Variants in HLA-DOA observed in about 807,000 individuals in gnomAD.
HLA-DOA encodes the protein HLA class II histocompatibility antigen, DO alpha chain.
Under a neutral mutation model 22.9 loss-of-function variants are expected in HLA-DOA, and 27 were observed. The observed-to-expected ratio is 1.18, with a 90% CI of 0.87 to 1.62. HLA-DOA has a LOEUF of 1.62. HLA-DOA is among the 40% of genes most tolerant of loss of function. HLA-DOA has a pLI of 0.00. For missense variants in HLA-DOA, 324 were observed against 332.4 expected (o/e 0.97, Z 0.20); for synonymous variants, 137 against 138.6 (o/e 0.99, Z 0.08).
chr6:33,006,807 C>T lies in HLA-DOA; in HGVS notation c.*31G>A. On this transcript the variant is annotated 3_prime_UTR_variant, in exon 5 of 5. Coordinates refer to ENST00000229829, the MANE Select transcript of HLA-DOA (RefSeq NM_002119.4). ...AAACCCATGAGGATCTGCAGGGTGTCTCCCACAAGTCATTTCTCTCAGAAG... is the reference window on the plus strand; with the variant it reads ...AAACCCATGAGGATCTGCAGGGTGTTTCCCACAAGTCATTTCTCTCAGAAG... 6.2e-7 allele frequency: 1 copy of T among 1,612,952 alleles called. No individual in the cohort carries two copies. The highest frequency in any genetic ancestry group is 8.5e-7 in the Non-Finnish European group (1 of 1,179,936).
At chr6:33,006,990 C>G (rs1780835098) in intron 4 of HLA-DOA, 90 bp downstream of exon 4, 1 of 1,529,212 alleles carries the variant, frequency 6.5e-7, no homozygotes, top group East Asian at 2.3e-5. Context: ...ACTTCTTTCC[C>G]CACAACAGAA....
intron 2 of HLA-DOA, 94 bp from the exon 3 acceptor site, chr6:33,007,686 C>T: frequency 2.1e-6 from 3 of 1,419,100 alleles, no homozygotes; most frequent in Non-Finnish European, 2.9e-6. Flanking sequence ...TTGTAGCCAT[C>T]TGTGGGCAGG....
At chr6:33,008,285 A>G in intron 1 of HLA-DOA, 24 bp from the exon 2 acceptor site, 1 of 1,605,058 alleles carries the variant, frequency 6.2e-7, no homozygotes, top group South Asian at 1.1e-5. Context: ...GTTCAGGGTC[A>G]AGGAGAGAGA....
At chr6:33,007,721 G>T in intron 2 of HLA-DOA, 129 bp from the exon 3 acceptor site, 1 of 1,120,044 alleles carries the variant, frequency 8.9e-7, no homozygotes, top group Non-Finnish European at 1.3e-6. Flanking sequence ...ATCCACTGGG[G>T]CAGGAGAGGA....
Position 33,005,924 on chromosome 6 carries a change from A to G in HLA-DOA, c.*914T>C, listed in dbSNP as rs1170874722. 3.3e-5 allele frequency: 5 copies of G among 152,214 alleles called. No individual in the cohort carries two copies. In the South Asian group the frequency reaches 8.3e-4, roughly 25 times the overall value. The allele number at this position is 152,214 out of a possible 1,614,324, so 9.4% of individuals were successfully genotyped here. ...AGGATCCCAAGCAGTTCTTATGTGC[A>G]TTCTGGTTTGAAAACCGTAATCTGT... On this transcript the variant is annotated 3_prime_UTR_variant, in exon 5 of 5. Coordinates refer to ENST00000229829, the MANE Select transcript of HLA-DOA (RefSeq NM_002119.4).
In HLA-DOA at chr6:33,007,910, C is replaced by T. The variant is rs552464180; in HGVS notation, c.331+103G>A. On this transcript the variant is annotated intron_variant, in intron 2 of 4. Transcript: ENST00000229829. ...AGAAAGGAACAGGGCATGACAGGCGCGGGCGCTGAGAGCGCGCCCCAGAGT... is the reference window on the plus strand; with the variant it reads ...AGAAAGGAACAGGGCATGACAGGCGTGGGCGCTGAGAGCGCGCCCCAGAGT... The T allele has an allele frequency of 8.5e-6, 12 of 1,409,588 alleles. No individual in the cohort carries two copies. In the South Asian group the frequency reaches 1.2e-4, roughly 15 times the overall value. 87.3% of individuals were successfully genotyped at this position (1,409,588 alleles called of 1,614,324 possible). A position where few individuals can be genotyped will look rare whatever the true frequency, so the allele number is the denominator to read the frequency against.
At chr6:33,008,477 A>AG in intron 1 of HLA-DOA, 1 of 1,295,630 alleles carries the variant, frequency 7.7e-7, no homozygotes, top group Non-Finnish European at 1.0e-6. Context: ...GCACAGAGAC[A>AG]GTGCAGTCTG....
rs780965270 is a variant in HLA-DOA at position 33,007,080 on chromosome 6, C to G, written c.749G>C (p.Arg250Thr). Reference protein sequence around the residue: ...IMGTYVSSVPR With the variant: ...IMGTYVSSVPT ...CCCCAGACTCCCGGGGCCTCTGCAC[C>G]TGGGGACACTGGACACATATGTGCC... The change falls in exon 4 of 5, where the codon AGG becomes ACG. Residue 250 changes from arginine (R) to threonine (T), a missense_variant and splice_region_variant. Coordinates refer to ENST00000229829, the MANE Select transcript of HLA-DOA (RefSeq NM_002119.4). 1 of 1,609,834 alleles carries G rather than the reference C, an allele frequency of 6.2e-7. No homozygotes were observed. Among genetic ancestry groups the G allele is most frequent in the African/African-American group, 1.3e-5 (1 of 74,878 alleles).
In HLA-DOA at chr6:33,004,972, A is replaced by G. The variant is rs780104312; in HGVS notation, c.*1866T>C. 1 of 152,252 alleles carries G rather than the reference A, an allele frequency of 6.6e-6. No individual in the cohort carries two copies. The highest frequency in any genetic ancestry group is 1.5e-5 in the Non-Finnish European group (1 of 68,082). The allele number at this position is 152,252 out of a possible 1,614,324, so 9.4% of individuals were successfully genotyped here. A position where few individuals can be genotyped will look rare whatever the true frequency, so the allele number is the denominator to read the frequency against. On this transcript the variant is annotated 3_prime_UTR_variant, in exon 5 of 5. Transcript: ENST00000229829. ...TTGGTTTCTTTCTTTTCCAGGACCA[A>G]CTGCTCACAGTTCAAACCCTCATTT...
Position 33,008,209 on chromosome 6 carries a change from CGA to C in HLA-DOA, c.133_134del (p.Ser45GlyfsTer6), listed in dbSNP as rs752627492. On this transcript the variant is annotated frameshift_variant, in exon 2 of 5. Coordinates refer to ENST00000229829, the MANE Select transcript of HLA-DOA (RefSeq NM_002119.4). LOFTEE classifies it high-confidence loss of function. Reference sequence around the variant, plus strand: ...CATCAAATTCATGGGTGAACTGGCCCGAGGCGCCGTAAGACTGGTAGAAGGCG... The same window carrying C: ...CATCAAATTCATGGGTGAACTGGCCCGGCGCCGTAAGACTGGTAGAAGGCG... ...GPAFYQSYGASGQFTHEFDEE... is the reference protein window; with the variant it reads ...GPAFYQSYGAXGQFTHEFDEE... 6.2e-7 allele frequency: 1 copy of C among 1,612,324 alleles called. No individual in the cohort carries two copies. The highest frequency in any genetic ancestry group is 8.5e-7 in the Non-Finnish European group (1 of 1,179,854).
At position 33,008,042 on chromosome 6, in the gene HLA-DOA, T is replaced by C; in HGVS notation, c.302A>G (p.Glu101Gly). Residue 101 changes from glutamate (E) to glycine (G), a missense_variant, in exon 2 of 5, where the codon GAG (glutamate) becomes GGG (glycine). Coordinates refer to ENST00000229829, the MANE Select transcript of HLA-DOA (RefSeq NM_002119.4). ...AIKAHLDILVERSNRSRAINV... is the reference protein window; with the variant it reads ...AIKAHLDILVGRSNRSRAINV... ...GATGGCTCTGCTGCGGTTGGAGCGCTCCACCAGGATGTCCAGATGGGCTTT... is the reference window on the plus strand; with the variant it reads ...GATGGCTCTGCTGCGGTTGGAGCGCCCCACCAGGATGTCCAGATGGGCTTT... 1.2e-6 allele frequency: 2 copies of C among 1,612,936 alleles called. No homozygotes were observed. The highest frequency in any genetic ancestry group is 2.7e-5 in the African/African-American group (2 of 75,044).
rs945351861 is a variant in HLA-DOA at position 33,005,360 on chromosome 6, C to G, written c.*1478G>C. Reference sequence around the variant, plus strand: ...TACAAAAATTAGCTGAGTGTAGTGGCGCACACCTGTAGTCCCAGCTACTCA... The same window carrying G: ...TACAAAAATTAGCTGAGTGTAGTGGGGCACACCTGTAGTCCCAGCTACTCA... On this transcript the variant is annotated 3_prime_UTR_variant, in exon 5 of 5. Coordinates refer to ENST00000229829, the MANE Select transcript of HLA-DOA (RefSeq NM_002119.4). The G allele has an allele frequency of 1.3e-5, 2 of 152,226 alleles. No individual in the cohort carries two copies. The highest frequency in any genetic ancestry group is 3.9e-4 in the East Asian group (2 of 5,136). The allele number at this position is 152,226 out of a possible 1,614,324, so 9.4% of individuals were successfully genotyped here. A position where few individuals can be genotyped will look rare whatever the true frequency, so the allele number is the denominator to read the frequency against.
At position 33,009,409 on chromosome 6, in the gene HLA-DOA, C is replaced by A; in HGVS notation, c.82+46G>T. 1 of 1,415,036 alleles carries A rather than the reference C, an allele frequency of 7.1e-7. No homozygotes were observed. Among genetic ancestry groups the A allele is most frequent in the South Asian group, 1.3e-5 (1 of 76,142 alleles). 87.7% of individuals were successfully genotyped at this position (1,415,036 alleles called of 1,614,324 possible). ...GCCACCTCCTCATGTAACCCAACTC[C>A]GTAAATCTCTGCTCCCCGCCGCACC... is the stretch of plus-strand genomic sequence containing the variant. On this transcript the variant is annotated intron_variant, in intron 1 of 4. Transcript: ENST00000229829. This position sits in a 1 kb window ranked among gnomAD's most constrained non-coding sequence, Gnocchi z 4.8.
chr6:33,006,988 C>A, intron 4 of HLA-DOA, 92 bp downstream of exon 4: 1 of 1,523,964 alleles, frequency 6.6e-7, no homozygotes, highest in South Asian at 1.2e-5. Context: ...TGACTTCTTT[C>A]CCCACAACAG....
intron 1 of HLA-DOA, 48 bp from the exon 2 acceptor site, chr6:33,008,309 G>A: frequency 6.3e-7 from 1 of 1,594,474 alleles, no homozygotes; most frequent in Non-Finnish European, 8.5e-7. Flanking sequence ...AAATGTGTCT[G>A]TCTCATCCAC....
intron 2 of HLA-DOA, 104 bp from the exon 3 acceptor site, chr6:33,007,696 G>T: frequency 1.5e-6 from 2 of 1,319,324 alleles, no homozygotes; most frequent in Non-Finnish European, 2.1e-6. Context: ...CTGTGGGCAG[G>T]GGATGCTCTG....
chr6:33,006,344 T>G lies in HLA-DOA; in HGVS notation c.*494A>C. On this transcript the variant is annotated 3_prime_UTR_variant, in exon 5 of 5. Transcript: ENST00000229829. Reference sequence around the variant, plus strand: ...TCAGAACTGTTGTTAGCTGAGGGGGTCGTGAGGAACAGGATAATCTGCATC... The same window carrying G: ...TCAGAACTGTTGTTAGCTGAGGGGGGCGTGAGGAACAGGATAATCTGCATC... 9.8e-6 allele frequency: 2 copies of G among 204,822 alleles called. No homozygotes were observed. The highest frequency in any genetic ancestry group is 1.0e-5 in the Non-Finnish European group (1 of 99,308). The allele number at this position is 204,822 out of a possible 1,614,324, so 12.7% of individuals were successfully genotyped here. A position where few individuals can be genotyped will look rare whatever the true frequency, so the allele number is the denominator to read the frequency against.
rs1780902961 is a variant in HLA-DOA at position 33,008,084 on chromosome 6, G to T, written c.260C>A (p.Ala87Asp). The T allele has an allele frequency of 3.1e-6, 5 of 1,613,030 alleles. No homozygotes were observed. Among genetic ancestry groups the T allele is most frequent in the South Asian group, 1.1e-5 (1 of 91,084 alleles). Residue 87 changes from alanine (A) to aspartate (D), a missense_variant, in exon 2 of 5, where the codon GCC becomes GAC. Ala to Asp is a moderately radical substitution (Grantham distance 126). Coordinates refer to ENST00000229829, the MANE Select transcript of HLA-DOA (RefSeq NM_002119.4). ...FARFDPQGGL[A>D]GIAAIKAHLD... is the part of the protein sequence containing the mutation. The stretch of plus-strand genomic sequence containing the variant: ...ATGGGCTTTGATTGCGGCGATGCCG[G>T]CCAGCCCGCCCTGCGGGTCAAAGCG...
rs374944469 is a variant in HLA-DOA, at chr6:33,009,571, C to G, written c.-35G>C. The G allele has an allele frequency of 8.8e-4, 1,340 of 1,514,696 alleles. 4 individuals are homozygous for G. The highest frequency in any genetic ancestry group is 2.4e-3 in the Admixed American group (123 of 51,362). 93.8% of individuals were successfully genotyped at this position (1,514,696 alleles called of 1,614,324 possible). ...GTGCTTTAATCAAATCAGTCTCAGT[C>G]CGTGTGGTGAGGACAGGAACAAGGC... On this transcript the variant is annotated 5_prime_UTR_variant, in exon 1 of 5. Transcript: ENST00000229829. This position sits in a 1 kb window ranked among gnomAD's most constrained non-coding sequence, Gnocchi z 4.8.
Sources: allele counts gnomAD v4.1 joint callset, GRCh38; gene constraint gnomAD v4.1.1; non-coding constraint Gnocchi (gnomAD v3.1); transcripts MANE v1.5; gene names NCBI Gene and HGNC (gene_info 2026-07-23, HGNC 2026-07-21).